Variants in TRMT13 observed in about 807,000 individuals in gnomAD.
The protein encoded by TRMT13 is tRNA:m(4)X modification enzyme TRM13 homolog.
Under a neutral mutation model 55.9 loss-of-function variants are expected in TRMT13, and 45 were observed. The observed-to-expected ratio is 0.80, with a 90% CI of 0.63 to 1.03. The LOEUF (loss-of-function observed/expected upper bound fraction) is 1.03. TRMT13 is among the 50% of genes least tolerant of loss of function. The pLI is 0.00. For synonymous variants in TRMT13, 183 were observed against 196.3 expected (o/e 0.93, Z 0.57); for missense variants, 513 against 563.9 (o/e 0.91, Z 0.91).
chr1:100,134,180 A>G (rs1655480671), intron 1 of TRMT13, among the ~76,000 whole-genome samples: 1 of 152,238 alleles, frequency 6.6e-6, no homozygotes, highest in South Asian at 2.1e-4. Context: ...ACAATTGAGA[A>G]CAAAGCATAC....
At chr1:100,135,197 C>T (rs749657969) in intron 1 of TRMT13, among the ~76,000 whole-genome samples, 19 of 152,100 alleles carry the variant, frequency 1.2e-4, no homozygotes, top group Non-Finnish European at 2.4e-4. Flanking sequence ...TCAATAGTGC[C>T]AAGATTGAGA....
intron 8 of TRMT13, among the ~76,000 whole-genome samples, chr1:100,143,680 C>T (rs1159563892): frequency 6.6e-6 from 1 of 152,120 alleles, no homozygotes; most frequent in Non-Finnish European, 1.5e-5. Context: ...ACAAAACACA[C>T]ACAGACACAT....
chr1:100,136,801 G>A, intron 1 of TRMT13, 81 bp from the exon 2 acceptor site: 1 of 1,266,674 alleles, frequency 7.9e-7, no homozygotes, highest in Non-Finnish European at 1.1e-6. Flanking sequence ...TGAGATTACA[G>A]AGACACTGAA....
intron 7 of TRMT13, 35 bp from the exon 8 acceptor site, chr1:100,143,102 G>A (rs1319765425): frequency 1.4e-6 from 2 of 1,412,316 alleles, no homozygotes; most frequent in South Asian, 2.5e-5. Context: ...TTAAATGTAA[G>A]AAGTGATTAT....
chr1:100,147,901 A>T lies in TRMT13; in HGVS notation c.825A>T (p.Ala275=). Residue 275 remains alanine, a synonymous_variant, in exon 10 of 11, where the codon GCA becomes GCT. Transcript: ENST00000370141. ...KHLCGMATDL[A]LRCLVETYAA... ...ACATAATTGTGTTTGCAGATCTTGC[A>T]TTACGATGTTTGGTTGAAACCTATG... The T allele has an allele frequency of 4.4e-6, 7 of 1,597,314 alleles. No individual in the cohort carries two copies. The highest frequency in any genetic ancestry group is 5.1e-6 in the Non-Finnish European group (6 of 1,172,658).
At chr1:100,135,247 C>T (rs929858835) in intron 1 of TRMT13, among the ~76,000 whole-genome samples, 3 of 151,420 alleles carry the variant, frequency 2.0e-5, no homozygotes, top group East Asian at 3.9e-4. Context: ...TTTAAATGTG[C>T]TTTTTTTTTC....
chr1:100,138,392 A>C (rs834164), intron 3 of TRMT13, among the ~76,000 whole-genome samples: 113,987 of 152,150 alleles, frequency 0.75, 45,359 homozygotes, highest in East Asian at 0.95. Flanking sequence ...ATCAAATTCT[A>C]ATACTTAACA....
chr1:100,144,016 A>G (rs1390251617), intron 8 of TRMT13, 53 bp from the exon 9 acceptor site: 1 of 1,457,284 alleles, frequency 6.9e-7, no homozygotes, highest in Non-Finnish European at 9.6e-7. Context: ...TTGGAAGGCC[A>G]CATTAATATG....
rs1655295147 is a variant in TRMT13, at chr1:100,133,360, T to G, written c.147+45T>G. The G allele has an allele frequency of 2.5e-6, 4 of 1,592,536 alleles. No individual in the cohort carries two copies. In the African/African-American group the frequency reaches 5.4e-5, roughly 21 times the overall value. On this transcript the variant is annotated intron_variant, in intron 1 of 10. Transcript: ENST00000370141. ...TCTCAAGAGTCGGAAATAAGTATCC[T>G]GGTCCTGTCGGTGCTGGAACCCGGC...
At chr1:100,136,707 A>G (rs910034958) in intron 1 of TRMT13, among the ~76,000 whole-genome samples, 175 bp from the exon 2 acceptor site, 3 of 152,200 alleles carry the variant, frequency 2.0e-5, no homozygotes, top group Non-Finnish European at 2.9e-5. Flanking sequence ...TTAAGCCAGT[A>G]CACTGGAGAG....
In TRMT13 at chr1:100,133,250, C is replaced by A; in HGVS notation, c.82C>A (p.Arg28=). ...CGGTTACTATGTGGAAAAGAAGAAACGGTTCTGCAGGATGGTGGTGGCCGC... is the reference window on the plus strand; with the variant it reads ...CGGTTACTATGTGGAAAAGAAGAAAAGGTTCTGCAGGATGGTGGTGGCCGC... ...RCGYYVEKKK[R]FCRMVVAAGK... The change falls in exon 1 of 11, where the codon CGG becomes AGG. Residue 28 remains arginine, a synonymous_variant. Transcript: ENST00000370141. 6.2e-7 allele frequency: 1 copy of A among 1,614,086 alleles called. No homozygotes were observed. The highest frequency in any genetic ancestry group is 8.5e-7 in the Non-Finnish European group (1 of 1,180,002).
At position 100,140,143 on chromosome 1, in the gene TRMT13, A is replaced by G. The variant is rs1345561375; in HGVS notation, c.325-39A>G. ...GTCTCTGTTATGCTACTTTAAAGCA[A>G]TTTTTGGCTACATTATTTAGTTTTA... On this transcript the variant is annotated intron_variant, in intron 4 of 10. Transcript: ENST00000370141. The G allele has an allele frequency of 3.4e-6, 5 of 1,483,356 alleles. No homozygotes were observed. The Admixed American group carries it at 5.5e-5, about 16-fold the overall frequency. The allele number at this position is 1,483,356 out of a possible 1,614,324, so 91.9% of individuals were successfully genotyped here. A position where few individuals can be genotyped will look rare whatever the true frequency, so the allele number is the denominator to read the frequency against.
intron 1 of TRMT13, among the ~76,000 whole-genome samples, chr1:100,135,553 A>T (rs1229966380): frequency 6.6e-6 from 1 of 152,178 alleles, no homozygotes; most frequent in Non-Finnish European, 1.5e-5. Context: ...TGTTTTGTTA[A>T]CTATTAGCTC....
In TRMT13 at chr1:100,135,556, A is replaced by G. The variant is rs1377451808; in HGVS notation, c.148-1326A>G. ...GCTAGGCAGTTTTGTTTTGTTAACT[A>G]TTAGCTCACTTAATGTGTTCAAACC... On this transcript the variant is annotated intron_variant, in intron 1 of 10. Transcript: ENST00000370141. Among the ~76,000 whole-genome samples the G allele has an allele frequency of 3.9e-5, 6 of 152,158 alleles. No homozygotes were observed. In the East Asian group the frequency reaches 1.2e-3, roughly 29 times the overall value.
At chr1:100,147,726 TTGAA>T (rs1657456245) in intron 9 of TRMT13, among the ~76,000 whole-genome samples, 164 bp from the exon 10 acceptor site, 4 of 152,218 alleles carry the variant, frequency 2.6e-5, no homozygotes, top group African/African-American at 7.2e-5. Context: ...AAGAGCAAAT[TTGAA>T]TGAAGTTGAT....
chr1:100,144,127 G>C lies in TRMT13; in HGVS notation c.801G>C (p.Leu267=), dbSNP rs1656944332. The C allele has an allele frequency of 6.2e-7, 1 of 1,613,390 alleles. No homozygotes were observed. Among genetic ancestry groups the C allele is most frequent in the Non-Finnish European group, 8.5e-7 (1 of 1,179,460 alleles). The change falls in exon 9 of 11, where the codon CTG becomes CTC. Residue 267 remains leucine (L), a synonymous_variant. Transcript: ENST00000370141. ...CTGTGGTAGGAATTGGAAAGCATCT[G>C]TGTGGTATGGCAACAGGTACGTAAA... The part of the protein sequence containing the change: ...KLPVVGIGKH[L]CGMATDLALR...
chr1:100,133,566 A>G (rs1655340846), intron 1 of TRMT13, among the ~76,000 whole-genome samples: 2 of 152,168 alleles, frequency 1.3e-5, no homozygotes, highest in Admixed American at 1.3e-4. Flanking sequence ...TCTCGATCTT[A>G]ACTCATGGTA....
intron 7 of TRMT13, among the ~76,000 whole-genome samples, chr1:100,141,785 A>T (rs1028038547): frequency 6.6e-6 from 1 of 152,366 alleles, no homozygotes; most frequent in Non-Finnish European, 1.5e-5. Flanking sequence ...GAGAATGACT[A>T]TGTAGAAAAG....
intron 3 of TRMT13, among the ~76,000 whole-genome samples, chr1:100,139,115 A>G (rs1483201401): frequency 6.6e-6 from 1 of 152,216 alleles, no homozygotes; most frequent in Non-Finnish European, 1.5e-5. Flanking sequence ...ACGTTAATTT[A>G]AATAGTGTGA....
Sources: allele counts gnomAD v4.1 joint callset (sites outside exome capture counted in the v4.1 genomes callset), GRCh38; gene constraint gnomAD v4.1.1; transcripts MANE v1.5; gene names NCBI Gene and HGNC (gene_info 2026-07-23, HGNC 2026-07-21).